The following PHF14 variants were observed in gnomAD, a reference collection of about 807,000 sequenced individuals.
PHF14 encodes PHD finger protein 14.
PHF14 carries 55 observed loss-of-function variants against 117.9 expected under a neutral mutation model. The ratio of observed to expected loss-of-function variants is 0.47; its 90% confidence interval spans 0.38 to 0.58. The LOEUF (loss-of-function observed/expected upper bound fraction) is 0.58, where lower values mean the gene tolerates loss of function less well. Among genes scored for constraint, PHF14 ranks in the 20% least tolerant of loss-of-function variants. The pLI is 0.00. For synonymous variants in PHF14, 409 were observed against 368.6 expected (o/e 1.11, Z -1.26); for missense variants, 978 against 1,122.2 (o/e 0.87, Z 1.84).
chr7:11,101,361 T>C (rs997252900), intron 16 of PHF14, among the ~76,000 whole-genome samples: 1 of 151,858 alleles, frequency 6.6e-6, no homozygotes, highest in Admixed American at 6.6e-5. Flanking sequence ...ATTTGGTTGC[T>C]TCCTCTTGCA....
chr7:11,037,424 A>G (rs1431025038), intron 10 of PHF14, among the ~76,000 whole-genome samples: 1 of 152,208 alleles, frequency 6.6e-6, no homozygotes, highest in Non-Finnish European at 1.5e-5. Flanking sequence ...CAAGTAGTCA[A>G]GTCACAGACT....
At chr7:10,988,915 A>C (rs1782343577) in intron 3 of PHF14, among the ~76,000 whole-genome samples, 1 of 152,184 alleles carries the variant, frequency 6.6e-6, no homozygotes, top group Admixed American at 6.5e-5. Context: ...AAAGAAACTT[A>C]GGAATGTTTG....
chr7:11,113,401 G>A (rs958529944), intron 17 of PHF14, among the ~76,000 whole-genome samples: 2 of 152,044 alleles, frequency 1.3e-5, no homozygotes, highest in East Asian at 1.9e-4. Flanking sequence ...GTGGAAATGC[G>A]TTAGGAAGGC....
chr7:11,107,178 C>A (rs1787299030), intron 16 of PHF14: 1 of 984,534 alleles, frequency 1.0e-6, no homozygotes, highest in Non-Finnish European at 1.2e-6. Flanking sequence ...TGAAATAAAT[C>A]AGCTGCTTCT....
chr7:11,082,754 C>A (rs891864115), intron 16 of PHF14, among the ~76,000 whole-genome samples: 1 of 152,148 alleles, frequency 6.6e-6, no homozygotes, highest in Non-Finnish European at 1.5e-5. Context: ...ATGTCAGGAG[C>A]CTCTCTTTAG....
At chr7:11,082,081 C>A (rs368979585) in intron 16 of PHF14, among the ~76,000 whole-genome samples, 1 of 151,938 alleles carries the variant, frequency 6.6e-6, no homozygotes, top group Non-Finnish European at 1.5e-5. Context: ...CAGTGGCTCA[C>A]GCTTGTAATC....
chr7:11,158,849 A>G (rs1382838595), intron 17 of PHF14, among the ~76,000 whole-genome samples: 2 of 152,116 alleles, frequency 1.3e-5, no homozygotes, highest in African/African-American at 4.8e-5. Context: ...GAATACCTTG[A>G]CATCATTCTG....
At chr7:11,076,790 A>T (rs758321302) in intron 16 of PHF14, among the ~76,000 whole-genome samples, 14 of 149,568 alleles carry the variant, frequency 9.4e-5, no homozygotes, top group Admixed American at 5.3e-4. Flanking sequence ...CTCATCTCTA[A>T]CTCCTGTTCT....
chr7:10,991,261 T>C (rs2625440), intron 4 of PHF14, among the ~76,000 whole-genome samples: 1 of 151,986 alleles, frequency 6.6e-6, no homozygotes, highest in South Asian at 2.1e-4. Context: ...GCTCACTTCA[T>C]CCTCCGCCTC....
At chr7:11,065,947 T>C (rs1785409377) in intron 16 of PHF14, among the ~76,000 whole-genome samples, 2 of 152,136 alleles carry the variant, frequency 1.3e-5, no homozygotes, top group Non-Finnish European at 2.9e-5. Context: ...TTCAGAAGCA[T>C]TGAGGGTAGG....
intron 14 of PHF14, among the ~76,000 whole-genome samples, chr7:11,054,737 T>C (rs1434342103): frequency 6.6e-6 from 1 of 152,154 alleles, no homozygotes; most frequent in Non-Finnish European, 1.5e-5. Flanking sequence ...TTCTCTCCCA[T>C]TGTTACATTT....
intron 4 of PHF14, among the ~76,000 whole-genome samples, chr7:11,011,684 A>C (rs904560173): frequency 6.6e-6 from 1 of 152,206 alleles, no homozygotes; most frequent in Admixed American, 6.5e-5. Context: ...ATTAAGTTGC[A>C]ATGTGTTCAT....
intron 4 of PHF14, among the ~76,000 whole-genome samples, chr7:11,012,901 T>C (rs1338060069): frequency 6.6e-6 from 1 of 152,230 alleles, no homozygotes; most frequent in Non-Finnish European, 1.5e-5. Context: ...GTCTGTCTAA[T>C]GTTACTACTC....
At chr7:11,073,275 C>T (rs1785693790) in intron 16 of PHF14, among the ~76,000 whole-genome samples, 1 of 152,186 alleles carries the variant, frequency 6.6e-6, no homozygotes, top group African/African-American at 2.4e-5. Context: ...TTATTTACTT[C>T]CAAGATACAA....
At chr7:11,033,181 A>G (rs934199062) in intron 7 of PHF14, among the ~76,000 whole-genome samples, 2 of 152,222 alleles carry the variant, frequency 1.3e-5, no homozygotes, top group Non-Finnish European at 2.9e-5. Context: ...ATGTCAACCA[A>G]TGCATTAATT....
chr7:10,983,522 CCTTT>C (rs909355042), intron 3 of PHF14, among the ~76,000 whole-genome samples: 3 of 152,118 alleles, frequency 2.0e-5, no homozygotes, highest in Admixed American at 6.5e-5. Flanking sequence ...ACAAAGGTCA[CCTTT>C]CTTTCAACTT....
At chr7:11,122,359 A>ATATATATATG (rs1562476422) in intron 17 of PHF14, among the ~76,000 whole-genome samples, 4 of 115,226 alleles carry the variant, frequency 3.5e-5, no homozygotes, top group African/African-American at 1.6e-4. Context: ...ATATACACAC[A>ATATATATATG]CACACACACA....
intron 14 of PHF14, 122 bp from the exon 15 acceptor site, chr7:11,061,669 A>C: frequency 1.6e-6 from 1 of 618,182 alleles, no homozygotes; most frequent in East Asian, 3.2e-5. Flanking sequence ...AGAAATAACT[A>C]ATTTTGCAAG....
chr7:11,088,429 C>G (rs1786506924), intron 16 of PHF14, among the ~76,000 whole-genome samples: 1 of 152,032 alleles, frequency 6.6e-6, no homozygotes, highest in South Asian at 2.1e-4. Context: ...CACACACACA[C>G]ACAGTCCTAT....
Sources: allele counts gnomAD v4.1 joint callset (sites outside exome capture counted in the v4.1 genomes callset), GRCh38; gene constraint gnomAD v4.1.1; transcripts MANE v1.5; gene names NCBI Gene and HGNC (gene_info 2026-07-23, HGNC 2026-07-21).